PPP3CB: variants seen among roughly 807,000 people sequenced by gnomAD.
PPP3CB encodes protein phosphatase 3 catalytic subunit beta, also known as serine/threonine-protein phosphatase 2B catalytic subunit beta isoform.
Under a neutral mutation model 66.4 loss-of-function variants are expected in PPP3CB, and 8 were observed. The observed-to-expected ratio is 0.12, with a 90% CI of 0.07 to 0.22. PPP3CB has a LOEUF of 0.22. PPP3CB is among the 10% of genes least tolerant of loss of function. PPP3CB has a pLI of 1.00. For missense variants in PPP3CB, 319 were observed against 642.5 expected (o/e 0.50, Z 5.44); for synonymous variants, 208 against 221.2 (o/e 0.94, Z 0.53).
chr10:73,442,327 G>A (rs1364930658), intron 12 of PPP3CB, among the ~76,000 whole-genome samples: 1 of 152,206 alleles, frequency 6.6e-6, no homozygotes, highest in Admixed American at 6.5e-5. Flanking sequence ...TGAGCTTCAA[G>A]CCGTGTACAA....
chr10:73,492,569 T>C (rs1442952311), intron 1 of PPP3CB, among the ~76,000 whole-genome samples: 1 of 152,214 alleles, frequency 6.6e-6, no homozygotes, highest in Non-Finnish European at 1.5e-5. Context: ...TTTTTCCTAA[T>C]TTTTTTCCAC....
chr10:73,481,119 T>C (rs943852935), intron 1 of PPP3CB, among the ~76,000 whole-genome samples: 3 of 151,582 alleles, frequency 2.0e-5, no homozygotes, highest in African/African-American at 7.3e-5. Flanking sequence ...GTCTAATAAA[T>C]ATAGACTGAA....
At chr10:73,478,665 AAAC>A (rs2056827882) in intron 2 of PPP3CB, 42 bp from the exon 3 acceptor site, 1 of 1,571,028 alleles carries the variant, frequency 6.4e-7, no homozygotes, top group Non-Finnish European at 8.7e-7. Context: ...AAAATCTCTA[AAAC>A]AACAAATTTT....
intron 12 of PPP3CB, 141 bp from the exon 13 acceptor site, chr10:73,440,042 A>T: frequency 1.1e-6 from 1 of 874,868 alleles, no homozygotes; most frequent in Admixed American, 2.3e-5. Flanking sequence ...CATAAATAGT[A>T]CCCAAATTAG....
rs574022832 is a variant in PPP3CB at position 73,442,714 on chromosome 10, G to GT, written c.1366+2010dup. On this transcript the variant is annotated intron_variant, in intron 12 of 13. Transcript: ENST00000360663. Reference sequence around the variant, plus strand: ...AATGTAAAGCAAATCAAAGCAGGTTGTTTTTTTTTTTTAAAGAAAATCAAA... The same window carrying GT: ...AATGTAAAGCAAATCAAAGCAGGTTGTTTTTTTTTTTTTAAAGAAAATCAAA... 4.1e-3 allele frequency among the ~76,000 whole-genome samples: 572 copies of GT among 138,978 alleles called. 2 individuals are homozygous for GT. Among genetic ancestry groups the GT allele is most frequent in the South Asian group, 0.012 (54 of 4,432 alleles). 91.2% of individuals were successfully genotyped at this position (138,978 alleles called of 152,430 possible). A position where few individuals can be genotyped will look rare whatever the true frequency, so the allele number is the denominator to read the frequency against.
chr10:73,480,227 TCTC>T (rs1183678376), intron 1 of PPP3CB, among the ~76,000 whole-genome samples: 1 of 151,860 alleles, frequency 6.6e-6, no homozygotes, highest in Admixed American at 6.6e-5. Flanking sequence ...TACTGATTTT[TCTC>T]CTACCTTACT....
intron 9 of PPP3CB, among the ~76,000 whole-genome samples, chr10:73,456,152 T>A (rs1018817986): frequency 2.0e-5 from 3 of 152,228 alleles, no homozygotes; most frequent in African/African-American, 7.2e-5. Context: ...TCAATACTTC[T>A]ACAAACCACT....
intron 9 of PPP3CB, among the ~76,000 whole-genome samples, chr10:73,462,634 A>C (rs1406269895): frequency 6.6e-6 from 1 of 152,022 alleles, no homozygotes; most frequent in Non-Finnish European, 1.5e-5. Context: ...GAGAGGTAAA[A>C]AGGGATTTGA....
chr10:73,460,806 C>T (rs2056508153), intron 9 of PPP3CB, among the ~76,000 whole-genome samples: 1 of 152,242 alleles, frequency 6.6e-6, no homozygotes, highest in African/African-American at 2.4e-5. Context: ...CACCAGCCAC[C>T]ACCTGGTGTT....
rs948521718 is a variant in PPP3CB, at chr10:73,437,987, T to C, written c.*255A>G. ...CACAAGCATAAAATGGAGGTGTGGA[T>C]GCCCTCCACTGGAAATTGCCCCAAG... On this transcript the variant is annotated 3_prime_UTR_variant, in exon 14 of 14. Coordinates refer to ENST00000360663, the MANE Select transcript of PPP3CB (RefSeq NM_021132.4). 1 of 366,278 alleles carries C rather than the reference T, an allele frequency of 2.7e-6. No homozygotes were observed. The highest frequency in any genetic ancestry group is 4.8e-6 in the Non-Finnish European group (1 of 206,204). 22.7% of individuals were successfully genotyped at this position (366,278 alleles called of 1,614,324 possible).
At chr10:73,484,238 T>G (rs985307261) in intron 1 of PPP3CB, among the ~76,000 whole-genome samples, 4 of 152,226 alleles carry the variant, frequency 2.6e-5, no homozygotes, top group African/African-American at 9.6e-5. Context: ...AGGTTTTGCT[T>G]TTTTTATTTC....
chr10:73,438,449 G>A (rs1423035168), intron 13 of PPP3CB, 29 bp from the exon 14 acceptor site: 2 of 1,537,750 alleles, frequency 1.3e-6, no homozygotes, highest in Non-Finnish European at 1.8e-6. Context: ...TGATAAGTCA[G>A]TAATTGAAAA....
chr10:73,491,459 C>CG (rs1400635147), intron 1 of PPP3CB, among the ~76,000 whole-genome samples: 3 of 152,168 alleles, frequency 2.0e-5, no homozygotes, highest in African/African-American at 7.2e-5. Flanking sequence ...ACCACTGCTG[C>CG]GCCTGGCCTG....
At chr10:73,482,102 C>T (rs190680254) in intron 1 of PPP3CB, among the ~76,000 whole-genome samples, 177 of 151,972 alleles carry the variant, frequency 1.2e-3, no homozygotes, top group African/African-American at 4.1e-3. Flanking sequence ...TCAAGTGTTA[C>T]TTTTGGGACA....
In PPP3CB at chr10:73,438,389, G is replaced by A. The variant is rs2056098673; in HGVS notation, c.1428C>T (p.Ile476=). 2.5e-6 allele frequency: 4 copies of A among 1,613,064 alleles called. No individual in the cohort carries two copies. Among genetic ancestry groups the A allele is most frequent in the Non-Finnish European group, 8.5e-7 (1 of 1,179,136 alleles). The change falls in exon 14 of 14, where the codon ATC becomes ATT. Residue 476 remains isoleucine, a synonymous_variant. Coordinates refer to ENST00000360663, the MANE Select transcript of PPP3CB (RefSeq NM_021132.4). ...AACCCTTTGCCTCTTCAAAACTGCA[G>A]ATTCTATGTGGTGGAGAGAATCCTC... The part of the protein sequence containing the change: ...AIRGFSPPHR[I]CSFEEAKGLD...
intron 1 of PPP3CB, among the ~76,000 whole-genome samples, chr10:73,483,980 C>T (rs1439155420): frequency 6.6e-6 from 1 of 151,820 alleles, no homozygotes; most frequent in East Asian, 2.0e-4. Flanking sequence ...CCCATCGCTA[C>T]TAAAAACACA....
chr10:73,449,722 C>A (rs1357185102), intron 10 of PPP3CB, among the ~76,000 whole-genome samples: 3 of 152,070 alleles, frequency 2.0e-5, no homozygotes, highest in Admixed American at 6.5e-5. Flanking sequence ...TTAAAAATGA[C>A]CCCACACATA....
At chr10:73,459,210 C>T (rs2056480536) in intron 9 of PPP3CB, among the ~76,000 whole-genome samples, 2 of 152,098 alleles carry the variant, frequency 1.3e-5, no homozygotes, top group Non-Finnish European at 1.5e-5. Context: ...AAACATAGGC[C>T]GGGCATGGTG....
Position 73,477,842 on chromosome 10 carries a change from A to G in PPP3CB, c.411+657T>C, listed in dbSNP as rs552072473. Among the ~76,000 whole-genome samples the G allele has an allele frequency of 1.6e-3, 238 of 152,228 alleles. 1 individual carries two copies. The highest frequency in any genetic ancestry group is 5.5e-3 in the African/African-American group (230 of 41,536). On this transcript the variant is annotated intron_variant, in intron 3 of 13. Coordinates refer to ENST00000360663, the MANE Select transcript of PPP3CB (RefSeq NM_021132.4). ...TGGGACAGAAGGATCCCTTAAGCTC[A>G]AGAGGTCAAGGCTACATTGAGCCAT...
Sources: allele counts gnomAD v4.1 joint callset (sites outside exome capture counted in the v4.1 genomes callset), GRCh38; gene constraint gnomAD v4.1.1; transcripts MANE v1.5; gene names NCBI Gene and HGNC (gene_info 2026-07-23, HGNC 2026-07-21).